HLA-DPB1: variants seen among roughly 807,000 people sequenced by gnomAD.
HLA-DPB1 encodes the protein major histocompatibility complex, class II, DP beta 1, also known as HLA class II histocompatibility antigen, DP beta 1 chain.
In HLA-DPB1, 30 loss-of-function variants were observed where a neutral mutation model predicts 29.4. The observed-to-expected ratio is 1.02, with a 90% CI of 0.76 to 1.38. The LOEUF is 1.38. Among genes scored for constraint, HLA-DPB1 ranks in the 40% most tolerant of loss-of-function variants. The pLI is 0.00. For synonymous variants in HLA-DPB1, 114 were observed against 134.0 expected (o/e 0.85, Z 1.03); for missense variants, 261 against 327.5 (o/e 0.80, Z 1.57).
chr6:33,076,092 G>A lies in HLA-DPB1; in HGVS notation c.51G>A (p.Ala17=), dbSNP rs146214653. The A allele has an allele frequency of 3.7e-6, 6 of 1,612,286 alleles. No individual in the cohort carries two copies. Among genetic ancestry groups the A allele is most frequent in the African/African-American group, 2.7e-5 (2 of 74,932 alleles). Residue 17 remains alanine (A), a synonymous_variant, in exon 1 of 6, where the codon GCG becomes GCA. Coordinates refer to ENST00000418931, the MANE Select transcript of HLA-DPB1 (RefSeq NM_002121.6). ...SAAPRTVALT[A]LLMVLLTSVV... The stretch of plus-strand genomic sequence containing the variant: ...CCCCCCGGACAGTGGCTCTGACGGC[G>A]TTACTGATGGTGCTGCTCACATCTG...
intron 1 of HLA-DPB1, among the ~76,000 whole-genome samples, chr6:33,078,849 A>G (rs1274063744): frequency 2.0e-5 from 3 of 152,220 alleles, no homozygotes; most frequent in Non-Finnish European, 4.4e-5. Context: ...AGACTAACAA[A>G]TGAAAATGGG....
rs1763081356 is a variant in HLA-DPB1 at position 33,086,001 on chromosome 6, GAT to G, written c.757+115_757+116del. ...ATGTCAGAAAGCTCTAGAGGCCACT[GAT>G]ATCAGATAATCGGGGAACAAACATG... On this transcript the variant is annotated intron_variant, in intron 4 of 5. Transcript: ENST00000418931. 8.9e-6 allele frequency: 7 copies of G among 787,968 alleles called. No individual in the cohort carries two copies. In the South Asian group the frequency reaches 1.2e-4, roughly 13 times the overall value. 48.8% of individuals were successfully genotyped at this position (787,968 alleles called of 1,614,324 possible). A position where few individuals can be genotyped will look rare whatever the true frequency, so the allele number is the denominator to read the frequency against.
At chr6:33,082,033 G>A (rs1762893938) in intron 2 of HLA-DPB1, 1 of 152,254 alleles carries the variant, frequency 6.6e-6, no homozygotes, top group African/African-American at 2.4e-5. Flanking sequence ...AAGGGAGGAG[G>A]AGGAGGAAGC....
Position 33,086,225 on chromosome 6 carries a change from G to A in HLA-DPB1, c.764G>A (p.Arg255Gln), listed in dbSNP as rs745501672. 3.2e-6 allele frequency: 5 copies of A among 1,581,928 alleles called. No individual in the cohort carries two copies. Among genetic ancestry groups the A allele is most frequent in the South Asian group, 1.1e-5 (1 of 90,300 alleles). The change falls in exon 5 of 6, where the codon CGA (arginine) becomes CAA (glutamine). Residue 255 changes from arginine (R) to glutamine (Q), a missense_variant. Arg to Gln is a conservative substitution (Grantham distance 43, BLOSUM62 1). Transcript: ENST00000418931. ...CTTTCGTCTTTCATTTCAGTTCAAC[G>A]AGGATCTGCATAAACAGGTAATATT... ...FMHRRSKKVQRGSA is the reference protein window; with the variant it reads ...FMHRRSKKVQQGSA
Position 33,085,077 on chromosome 6 carries a change from G to A in HLA-DPB1, c.492G>A (p.Glu164=). 1.9e-6 allele frequency: 3 copies of A among 1,613,836 alleles called. No individual in the cohort carries two copies. Among genetic ancestry groups the A allele is most frequent in the South Asian group, 2.2e-5 (2 of 91,080 alleles). The change falls in exon 3 of 6, where the codon GAG becomes GAA. Residue 164 remains glutamate, a synonymous_variant. Transcript: ENST00000418931. Reference sequence around the variant, plus strand: ...TCCGATGGTTCCTGAATGGACAGGAGGAAACAGCTGGGGTCGTGTCCACCA... The same window carrying A: ...TCCGATGGTTCCTGAATGGACAGGAAGAAACAGCTGGGGTCGTGTCCACCA... The part of the protein sequence containing the change: ...IQVRWFLNGQ[E]ETAGVVSTNL...
Position 33,087,401 on chromosome 6 carries a change from C to T in HLA-DPB1, c.*867C>T, listed in dbSNP as rs1763156772. Among the ~76,000 whole-genome samples, 2 of 142,026 alleles carry T rather than the reference C, an allele frequency of 1.4e-5. No homozygotes were observed. The highest frequency in any genetic ancestry group is 1.4e-4 in the Admixed American group (2 of 14,632). The allele number at this position is 142,026 out of a possible 152,430, so 93.2% of individuals were successfully genotyped here. On this transcript the variant is annotated 3_prime_UTR_variant, in exon 6 of 6. Coordinates refer to ENST00000418931, the MANE Select transcript of HLA-DPB1 (RefSeq NM_002121.6). ...AATACATGTAGCACTCTTTTTCAAA[C>T]ACTGGTCTTTTTTTTTTTCTTAACA...
At chr6:33,076,237 G>A in intron 1 of HLA-DPB1, 96 bp downstream of exon 1, 1 of 823,672 alleles carries the variant, frequency 1.2e-6, no homozygotes, top group African/African-American at 1.7e-5. Context: ...ACAGGCTGCG[G>A]GGGCTCCTGC....
At chr6:33,079,868 A>C (rs1762743128) in intron 1 of HLA-DPB1, 2 of 317,826 alleles carry the variant, frequency 6.3e-6, no homozygotes, top group South Asian at 2.7e-5. Flanking sequence ...TAGAAAGTTC[A>C]TGTCCACGTT....
chr6:33,080,785 G>C lies in HLA-DPB1; in HGVS notation c.214G>C (p.Gly72Arg), dbSNP rs41552915. The C allele has an allele frequency of 1.2e-6, 2 of 1,613,656 alleles. No homozygotes were observed. Among genetic ancestry groups the C allele is most frequent in the South Asian group, 2.2e-5 (2 of 91,024 alleles). ...EEFARFDSDV[G>R]EFRAVTELGR... ...GTTCGCGCGCTTCGACAGCGACGTG[G>C]GGGAGTTCCGGGCGGTGACGGAGCT... The change falls in exon 2 of 6, where the codon GGG becomes CGG. Residue 72 changes from glycine to arginine, a missense_variant. By Grantham distance (125) the Gly-to-Arg change is moderately radical (BLOSUM62 -2). Coordinates refer to ENST00000418931, the MANE Select transcript of HLA-DPB1 (RefSeq NM_002121.6). The surrounding 1 kb of genome is among the most constrained non-coding windows in gnomAD (Gnocchi z 4.3).
chr6:33,085,931 G>A, intron 4 of HLA-DPB1, 42 bp downstream of exon 4: 1 of 1,308,554 alleles, frequency 7.6e-7, no homozygotes, highest in Admixed American at 1.8e-5. Flanking sequence ...CCTTCCCCTG[G>A]CATATTCACA....
chr6:33,086,746 G>T lies in HLA-DPB1; in HGVS notation c.*212G>T. 2.7e-6 allele frequency: 1 copy of T among 375,386 alleles called. No individual in the cohort carries two copies. Among genetic ancestry groups the T allele is most frequent in the South Asian group, 2.2e-5 (1 of 45,716 alleles). The allele number at this position is 375,386 out of a possible 1,614,324, so 23.3% of individuals were successfully genotyped here. A position where few individuals can be genotyped will look rare whatever the true frequency, so the allele number is the denominator to read the frequency against. On this transcript the variant is annotated 3_prime_UTR_variant, in exon 6 of 6. Coordinates refer to ENST00000418931, the MANE Select transcript of HLA-DPB1 (RefSeq NM_002121.6). ...CTCCAACCATGTTCCCTTCTTCTTA[G>T]CACCACAAATAATCAAAACCCAACA...
rs9277392 is a variant in HLA-DPB1 at position 33,083,052 on chromosome 6, G to T, written c.365-1898G>T. 1.1e-4 allele frequency among the ~76,000 whole-genome samples: 17 copies of T among 152,142 alleles called. 1 individual carries two copies. In the East Asian group the frequency reaches 2.1e-3, roughly 19 times the overall value. ...GAAGCTCTATGGGGAAGAAATTGTA[G>T]GTAATTCACAACTGAGATTTAGACA... On this transcript the variant is annotated intron_variant, in intron 2 of 5. Coordinates refer to ENST00000418931, the MANE Select transcript of HLA-DPB1 (RefSeq NM_002121.6).
intron 1 of HLA-DPB1, chr6:33,079,738 C>T (rs1762736490): frequency 2.0e-6 from 1 of 508,906 alleles, no homozygotes; most frequent in Admixed American, 2.0e-5. Context: ...ACAAATCTTA[C>T]TGTGCTGAGA....
intron 2 of HLA-DPB1, chr6:33,081,198 G>A (rs113456409): frequency 0.072 from 36,788 of 507,872 alleles, 3,156 homozygotes; most frequent in African/African-American, 0.31. Flanking sequence ...TGCATGTGGG[G>A]TGAAAAAAGG....
intron 1 of HLA-DPB1, among the ~76,000 whole-genome samples, chr6:33,076,993 A>G (rs568204871): frequency 6.6e-5 from 10 of 152,028 alleles, no homozygotes; most frequent in African/African-American, 2.2e-4. Context: ...ATATGTATAC[A>G]TGTGCCATGT....
chr6:33,083,781 T>C (rs9277407), intron 2 of HLA-DPB1: 57,568 of 151,774 alleles, frequency 0.38, 12,315 homozygotes, highest in East Asian at 0.64. Flanking sequence ...TTCTGCTTTC[T>C]GAGGAGGAAA....
chr6:33,086,354 C>A (rs1451940626), intron 5 of HLA-DPB1, 112 bp downstream of exon 5: 2 of 898,892 alleles, frequency 2.2e-6, no homozygotes, highest in Non-Finnish European at 1.9e-6. Context: ...GGCATGAACC[C>A]CTCTTTCAAT....
intron 3 of HLA-DPB1, 95 bp downstream of exon 3, chr6:33,085,326 T>C: frequency 9.0e-7 from 1 of 1,106,708 alleles, no homozygotes; most frequent in Non-Finnish European, 1.3e-6. Context: ...ATCTATACCC[T>C]GGGGCCATGT....
At chr6:33,082,706 G>A (rs1395633845) in intron 2 of HLA-DPB1, among the ~76,000 whole-genome samples, 1 of 152,150 alleles carries the variant, frequency 6.6e-6, no homozygotes, top group Non-Finnish European at 1.5e-5. Flanking sequence ...AGGGAGAGGT[G>A]GAAGGGGGAG....
Sources: gnomAD v4.1 joint callset for allele counts (sites outside exome capture counted in the v4.1 genomes callset) on GRCh38, gnomAD v4.1.1 for gene constraint, Gnocchi (gnomAD v3.1) non-coding constraint, MANE v1.5 for transcripts, NCBI Gene and HGNC (gene_info 2026-07-23, HGNC 2026-07-21) for gene names.